Variants in PPP1R14C observed in about 807,000 individuals in gnomAD.
The protein encoded by PPP1R14C is protein phosphatase 1 regulatory subunit 14C.
Under a neutral mutation model 20.4 loss-of-function variants are expected in PPP1R14C, and 16 were observed. The ratio of observed to expected loss-of-function variants is 0.78; its 90% CI spans 0.53 to 1.19. The LOEUF (loss-of-function observed/expected upper bound fraction) is 1.19, where lower values mean the gene tolerates loss of function less well. Ranked by LOEUF, PPP1R14C falls within the 50% of genes most tolerant of loss-of-function variation. The pLI, the probability that PPP1R14C is intolerant of heterozygous loss-of-function variation, is 0.00. For missense variants in PPP1R14C, 211 were observed against 220.1 expected (o/e 0.96, Z 0.26); for synonymous variants, 91 against 91.0 (o/e 1.00, Z 0.00).
chr6:150,244,745 C>A (rs991161687), intron 3 of PPP1R14C, among the ~76,000 whole-genome samples: 6 of 152,174 alleles, frequency 3.9e-5, no homozygotes, highest in Non-Finnish European at 8.8e-5. Context: ...AGGTCTAGAT[C>A]ACTGTATGTT....
intron 1 of PPP1R14C, among the ~76,000 whole-genome samples, chr6:150,180,385 G>A (rs1363990267): frequency 6.6e-6 from 1 of 152,184 alleles, no homozygotes; most frequent in Admixed American, 6.5e-5. Context: ...AAATAACCCC[G>A]AGTCTCAGCT....
chr6:150,173,321 T>G (rs1165087920), intron 1 of PPP1R14C, among the ~76,000 whole-genome samples: 1 of 151,770 alleles, frequency 6.6e-6, no homozygotes, highest in Non-Finnish European at 1.5e-5. Flanking sequence ...CCTAATCTGG[T>G]CTCTTATCCT....
At chr6:150,238,291 G>A (rs186212966) in intron 3 of PPP1R14C, among the ~76,000 whole-genome samples, 1 of 152,216 alleles carries the variant, frequency 6.6e-6, no homozygotes, top group Non-Finnish European at 1.5e-5. Context: ...CAACTGCTAG[G>A]AAACTAGAAT....
At chr6:150,178,251 TGG>T (rs1273793865) in intron 1 of PPP1R14C, among the ~76,000 whole-genome samples, 1 of 152,246 alleles carries the variant, frequency 6.6e-6, no homozygotes, top group Non-Finnish European at 1.5e-5. Context: ...GTAGTAGGTC[TGG>T]ACCTAGGGGT....
chr6:150,168,141 A>G (rs1201490732), intron 1 of PPP1R14C, among the ~76,000 whole-genome samples: 1 of 119,806 alleles, frequency 8.3e-6, no homozygotes, highest in Non-Finnish European at 1.7e-5. Context: ...CTAACACAAT[A>G]CAGCGTCCCT....
rs370307590 is a variant in PPP1R14C at position 150,169,234 on chromosome 6, TTA to T, written c.306+25739_306+25740del. On this transcript the variant is annotated intron_variant, in intron 1 of 3. Coordinates refer to ENST00000361131, the MANE Select transcript of PPP1R14C (RefSeq NM_030949.3). ...CTCCTTAAAAATATCTAACCTTCCA[TTA>T]TAGTTAGAGGTGATCCTATGACAAA... 1.4e-4 allele frequency among the ~76,000 whole-genome samples: 22 copies of T among 152,276 alleles called. No homozygotes were observed. In the South Asian group the frequency reaches 4.1e-3, roughly 29 times the overall value.
At chr6:150,225,457 T>A (rs955039041) in intron 3 of PPP1R14C, among the ~76,000 whole-genome samples, 1 of 152,230 alleles carries the variant, frequency 6.6e-6, no homozygotes, top group Non-Finnish European at 1.5e-5. Flanking sequence ...CCTTGTGAGT[T>A]TCTCTTCCAG....
intron 1 of PPP1R14C, among the ~76,000 whole-genome samples, chr6:150,157,365 TCAAAA>T (rs902965933): frequency 2.7e-4 from 41 of 151,972 alleles, no homozygotes; most frequent in African/African-American, 9.7e-4. Flanking sequence ...CTTTACAAAA[TCAAAA>T]CAAACAGAAA....
At chr6:150,238,882 C>T (rs1353922533) in intron 3 of PPP1R14C, among the ~76,000 whole-genome samples, 2 of 152,110 alleles carry the variant, frequency 1.3e-5, no homozygotes, top group Non-Finnish European at 2.9e-5. Flanking sequence ...ACCTCTACTA[C>T]ATTGGATTAA....
chr6:150,157,121 A>ATTAC (rs34423107), intron 1 of PPP1R14C, among the ~76,000 whole-genome samples: 97,302 of 151,662 alleles, frequency 0.64, 31,898 homozygotes, highest in African/African-American at 0.69. Context: ...AAAATGAGGA[A>ATTAC]TTTACTTAGT....
chr6:150,165,221 T>C (rs983755851), intron 1 of PPP1R14C, among the ~76,000 whole-genome samples: 4 of 152,268 alleles, frequency 2.6e-5, no homozygotes, highest in African/African-American at 4.8e-5. Flanking sequence ...CTATACTCCA[T>C]CTTCATTTCC....
chr6:150,232,205 G>A (rs1778304419), intron 3 of PPP1R14C, among the ~76,000 whole-genome samples: 1 of 151,456 alleles, frequency 6.6e-6, no homozygotes, highest in Non-Finnish European at 1.5e-5. Flanking sequence ...CTTGCTTATT[G>A]GGTGTTCATG....
chr6:150,247,801 A>G (rs1778512345), intron 3 of PPP1R14C, among the ~76,000 whole-genome samples: 1 of 152,154 alleles, frequency 6.6e-6, no homozygotes, highest in Non-Finnish European at 1.5e-5. Context: ...TCAGAAATGT[A>G]CCTTATTGGG....
intron 1 of PPP1R14C, among the ~76,000 whole-genome samples, chr6:150,204,679 G>C (rs747753716): frequency 6.6e-6 from 1 of 152,196 alleles, no homozygotes; most frequent in Non-Finnish European, 1.5e-5. Flanking sequence ...CTAAGGGTTA[G>C]GGGATGCGTT....
At chr6:150,165,066 A>G (rs1338363675) in intron 1 of PPP1R14C, among the ~76,000 whole-genome samples, 1 of 152,214 alleles carries the variant, frequency 6.6e-6, no homozygotes, top group Non-Finnish European at 1.5e-5. Flanking sequence ...GGTGAGAAAT[A>G]TATTTCTGTT....
rs184382054 is a variant in PPP1R14C at position 150,187,966 on chromosome 6, G to A, written c.307-26778G>A. Among the ~76,000 whole-genome samples the A allele has an allele frequency of 1.6e-3, 250 of 152,174 alleles. 3 individuals carry two copies. Among genetic ancestry groups the A allele is most frequent in the African/African-American group, 4.7e-3 (195 of 41,516 alleles). On this transcript the variant is annotated intron_variant, in intron 1 of 3. Transcript: ENST00000361131. ...TAATCCCAAAGATATATGTTACACC[G>A]AATAACCACATCACATTTAATCTGA...
Position 150,195,806 on chromosome 6 carries a change from C to T in PPP1R14C, c.307-18938C>T, listed in dbSNP as rs1777797649. On this transcript the variant is annotated intron_variant, in intron 1 of 3. Transcript: ENST00000361131. ...TTTCTCATCTTCCCAAACTGAGACA[C>T]TGTGCCCATTCTTGATGGGTTTTAA... The T allele has an allele frequency of 4.1e-6, 4 of 984,274 alleles. No individual in the cohort carries two copies. In the South Asian group the frequency reaches 1.9e-4, roughly 46 times the overall value. 61.0% of individuals were successfully genotyped at this position (984,274 alleles called of 1,614,324 possible).
intron 1 of PPP1R14C, among the ~76,000 whole-genome samples, chr6:150,160,605 G>A (rs1459780879): frequency 6.6e-6 from 1 of 151,942 alleles, no homozygotes; most frequent in African/African-American, 2.4e-5. Flanking sequence ...GTTATGTTCT[G>A]CCTCATTGTG....
chr6:150,248,832 G>A lies in PPP1R14C; in HGVS notation c.*12G>A, dbSNP rs1433071350. ...AGAAGAGTGTATGATTCTGGAACAGGGTGAAACTCTCCCAGAGACGAAGAA... is the reference window on the plus strand; with the variant it reads ...AGAAGAGTGTATGATTCTGGAACAGAGTGAAACTCTCCCAGAGACGAAGAA... On this transcript the variant is annotated 3_prime_UTR_variant, in exon 4 of 4. Coordinates refer to ENST00000361131, the MANE Select transcript of PPP1R14C (RefSeq NM_030949.3). 1.3e-6 allele frequency: 2 copies of A among 1,587,078 alleles called. No individual in the cohort carries two copies. The highest frequency in any genetic ancestry group is 1.1e-5 in the South Asian group (1 of 89,650).
Sources: allele counts gnomAD v4.1 joint callset (sites outside exome capture counted in the v4.1 genomes callset), GRCh38; gene constraint gnomAD v4.1.1; transcripts MANE v1.5; gene names NCBI Gene and HGNC (gene_info 2026-07-23, HGNC 2026-07-21).